SLC4A4: variants seen among roughly 807,000 people sequenced by gnomAD.
SLC4A4 encodes electrogenic sodium bicarbonate cotransporter 1.
Under a neutral mutation model 111.5 loss-of-function variants are expected in SLC4A4, and 27 were observed. That is an observed-to-expected ratio of 0.24 (90% CI 0.18 to 0.33). The LOEUF (loss-of-function observed/expected upper bound fraction) is 0.33, where lower values mean the gene tolerates loss of function less well. SLC4A4 is among the 10% of genes least tolerant of loss of function. The pLI is 1.00. For missense variants in SLC4A4, 909 were observed against 1,315.5 expected, an observed-to-expected ratio of 0.69 and a Z score of 4.78; for synonymous variants, 443 against 463.4, an observed-to-expected ratio of 0.96 and a Z score of 0.57.
intron 3 of SLC4A4, among the ~76,000 whole-genome samples, chr4:71,290,914 A>G (rs1724295087): frequency 6.6e-6 from 1 of 152,238 alleles, no homozygotes; most frequent in Admixed American, 6.5e-5. Context: ...ATTAGCTTGG[A>G]GTATTTGTCA....
chr4:71,560,000 A>C (rs1323106191), intron 22 of SLC4A4, 93 bp from the exon 23 acceptor site: 44 of 929,724 alleles, frequency 4.7e-5, no homozygotes, highest in Non-Finnish European at 7.7e-5. Context: ...TACACAAAGT[A>C]GGTTTCTGTG....
intron 1 of SLC4A4, among the ~76,000 whole-genome samples, chr4:71,090,528 G>T (rs1034583511): frequency 6.6e-6 from 1 of 152,208 alleles, no homozygotes; most frequent in African/African-American, 2.4e-5. Context: ...AAAAATGTAT[G>T]TGTTAAGATA....
chr4:71,230,646 T>G (rs931807528), intron 1 of SLC4A4, among the ~76,000 whole-genome samples: 5 of 152,218 alleles, frequency 3.3e-5, no homozygotes, highest in African/African-American at 1.2e-4. Flanking sequence ...TGTTAAACAC[T>G]GGTGCCCTGC....
At chr4:71,272,816 C>T (rs1157783155) in intron 3 of SLC4A4, among the ~76,000 whole-genome samples, 1 of 152,080 alleles carries the variant, frequency 6.6e-6, no homozygotes, top group Non-Finnish European at 1.5e-5. Context: ...TATGGGGTCT[C>T]TGAGGAACCT....
At chr4:71,145,784 G>A (rs576147666) in intron 2 of SLC4A4, among the ~76,000 whole-genome samples, 161 of 152,020 alleles carry the variant, frequency 1.1e-3, no homozygotes, top group African/African-American at 3.8e-3. Context: ...CTGTGGGATC[G>A]GTGGTGATAT....
intron 8 of SLC4A4, among the ~76,000 whole-genome samples, chr4:71,446,936 G>A (rs1334961055): frequency 6.6e-6 from 1 of 152,252 alleles, no homozygotes; most frequent in Non-Finnish European, 1.5e-5. Context: ...GTGAACCTAA[G>A]TGGGGTTAAG....
At chr4:71,110,845 A>G (rs1743066434) in intron 2 of SLC4A4, among the ~76,000 whole-genome samples, 1 of 152,186 alleles carries the variant, frequency 6.6e-6, no homozygotes, top group Non-Finnish European at 1.5e-5. Context: ...TGTGTACAAT[A>G]CAATCCCCAG....
intron 2 of SLC4A4, among the ~76,000 whole-genome samples, chr4:71,137,872 A>G (rs1489449364): frequency 6.6e-6 from 1 of 152,220 alleles, no homozygotes; most frequent in African/African-American, 2.4e-5. Context: ...AGTTTCAGTC[A>G]CAAAGAAATT....
intron 6 of SLC4A4, among the ~76,000 whole-genome samples, chr4:71,381,020 C>G (rs145628256): frequency 6.6e-6 from 1 of 152,246 alleles, no homozygotes; most frequent in African/African-American, 2.4e-5. Context: ...TCTTATCAAT[C>G]CCAGGAAACA....
intron 18 of SLC4A4, among the ~76,000 whole-genome samples, chr4:71,535,189 A>G (rs551127696): frequency 6.6e-6 from 1 of 152,312 alleles, no homozygotes; most frequent in South Asian, 2.1e-4. Context: ...CATAACCACC[A>G]TATGAGGGAA....
At chr4:71,510,510 GT>G (rs201689785) in intron 16 of SLC4A4, among the ~76,000 whole-genome samples, 8 of 150,598 alleles carry the variant, frequency 5.3e-5, no homozygotes, top group East Asian at 1.9e-4. Flanking sequence ...TCTTTGTCTT[GT>G]TTTTTTTTAC....
chr4:71,305,594 G>A (rs773801701), intron 3 of SLC4A4, among the ~76,000 whole-genome samples: 108 of 152,296 alleles, frequency 7.1e-4, no homozygotes, highest in Non-Finnish European at 3.7e-4. Flanking sequence ...AGTAGAGCTG[G>A]GATATGCAAA....
chr4:71,397,476 C>T, intron 6 of SLC4A4, 101 bp from the exon 7 acceptor site: 1 of 1,040,286 alleles, frequency 9.6e-7, no homozygotes, highest in South Asian at 1.3e-5. Flanking sequence ...AGTATCATCA[C>T]CATTTCCATC....
intron 2 of SLC4A4, among the ~76,000 whole-genome samples, chr4:71,125,506 G>A (rs1743536898): frequency 6.6e-6 from 1 of 152,216 alleles, no homozygotes; most frequent in Admixed American, 6.5e-5. Flanking sequence ...ATTGCAGTGA[G>A]CTGAGATCAC....
At chr4:71,212,635 G>A (rs1054023835) in intron 1 of SLC4A4, among the ~76,000 whole-genome samples, 2 of 152,220 alleles carry the variant, frequency 1.3e-5, no homozygotes, top group African/African-American at 4.8e-5. Context: ...GATGAGGTGG[G>A]CCATATTCCA....
intron 2 of SLC4A4, among the ~76,000 whole-genome samples, chr4:71,158,035 C>G (rs1744522296): frequency 6.6e-6 from 1 of 151,028 alleles, no homozygotes; most frequent in Admixed American, 6.6e-5. Context: ...TAAACAACAA[C>G]TGAAGTTTAT....
At chr4:71,439,895 G>T (rs1168000305) in intron 7 of SLC4A4, among the ~76,000 whole-genome samples, 2 of 151,504 alleles carry the variant, frequency 1.3e-5, no homozygotes, top group African/African-American at 4.9e-5. Flanking sequence ...CTACAATCTG[G>T]TTCACCCCTT....
chr4:71,075,125 T>G (rs965864626), intron 1 of SLC4A4, among the ~76,000 whole-genome samples: 1 of 152,186 alleles, frequency 6.6e-6, no homozygotes, highest in Non-Finnish European at 1.5e-5. Context: ...TTGCACCTGA[T>G]GGGAAAATAG....
intron 14 of SLC4A4, among the ~76,000 whole-genome samples, chr4:71,474,253 C>G (rs1476394269): frequency 6.6e-6 from 1 of 151,736 alleles, no homozygotes; most frequent in Non-Finnish European, 1.5e-5. Flanking sequence ...ACAGTCCATA[C>G]TTTTTACTAA....
Sources: allele counts gnomAD v4.1 joint callset (sites outside exome capture counted in the v4.1 genomes callset), GRCh38; gene constraint gnomAD v4.1.1; transcripts MANE v1.5; gene names NCBI Gene and HGNC (gene_info 2026-07-23, HGNC 2026-07-21).